The following TIMP2 variants were observed in gnomAD, a reference collection of about 807,000 sequenced individuals.
TIMP2 encodes metalloproteinase inhibitor 2.
Under a neutral mutation model 24.3 loss-of-function variants are expected in TIMP2, and 5 were observed. The ratio of observed to expected loss-of-function variants is 0.21; its 90% confidence interval spans 0.11 to 0.43. TIMP2 has a LOEUF of 0.43. Ranked by LOEUF, TIMP2 falls within the 20% of genes least tolerant of loss-of-function variation. The probability of loss-of-function intolerance (pLI) is 1.00; values close to 1 mark genes in which losing one functional copy is unlikely to be tolerated. For missense variants in TIMP2, 221 were observed against 297.5 expected (o/e 0.74, Z 1.89); for synonymous variants, 130 against 123.2 (o/e 1.06, Z -0.37).
intron 1 of TIMP2, among the ~76,000 whole-genome samples, chr17:78,918,135 C>T (rs2070279617): frequency 6.6e-6 from 1 of 151,916 alleles, no homozygotes; most frequent in Non-Finnish European, 1.5e-5. Flanking sequence ...GTGACCACCC[C>T]CAAACCCGCC....
intron 3 of TIMP2, among the ~76,000 whole-genome samples, chr17:78,859,523 CGTG>C (rs2069551746): frequency 1.3e-5 from 2 of 151,656 alleles, no homozygotes; most frequent in Admixed American, 1.3e-4. Flanking sequence ...AATAGCCAGG[CGTG>C]GTGATGCATG....
intron 1 of TIMP2, among the ~76,000 whole-genome samples, chr17:78,886,522 G>T (rs1379950687): frequency 1.3e-5 from 2 of 152,196 alleles, no homozygotes; most frequent in African/African-American, 2.4e-5. Context: ...TGGGCACAAG[G>T]CAAGTGCAGA....
intron 3 of TIMP2, 60 bp downstream of exon 3, chr17:78,870,838 C>A (rs1377591481): frequency 1.4e-6 from 2 of 1,460,496 alleles, no homozygotes; most frequent in South Asian, 1.2e-5. Context: ...CCCTGGACCG[C>A]GTCTAGGAAC....
intron 3 of TIMP2, among the ~76,000 whole-genome samples, chr17:78,864,380 CCTCCCTCCCTT>C (rs1379217541): frequency 8.8e-4 from 127 of 144,510 alleles, no homozygotes; most frequent in African/African-American, 3.2e-3. Context: ...CCTCCCCCTT[CCTCCCTCCCTT>C]CCTTCCTTCC....
In TIMP2 at chr17:78,883,610, C is replaced by T. The variant is rs554127133; in HGVS notation, c.131-9691G>A. On this transcript the variant is annotated intron_variant, in intron 1 of 4. Coordinates refer to ENST00000262768, the MANE Select transcript of TIMP2 (RefSeq NM_003255.5). ...CACCTGGGGGTGCTCCAGGCCCTGC[C>T]GCCCCAGGGAATGCTCCCTCCCCGG... 4.6e-5 allele frequency among the ~76,000 whole-genome samples: 7 copies of T among 152,308 alleles called. No individual in the cohort carries two copies. The South Asian group carries it at 1.0e-3, about 23-fold the overall frequency.
At chr17:78,902,978 C>A (rs550790490) in intron 1 of TIMP2, among the ~76,000 whole-genome samples, 1 of 152,236 alleles carries the variant, frequency 6.6e-6, no homozygotes, top group Non-Finnish European at 1.5e-5. Flanking sequence ...GCTGGCCTTG[C>A]GAACCCACGG....
At chr17:78,890,361 C>T (rs1277911251) in intron 1 of TIMP2, among the ~76,000 whole-genome samples, 1 of 152,100 alleles carries the variant, frequency 6.6e-6, no homozygotes. Context: ...GCCATCACAC[C>T]CAGCTAATTT....
intron 1 of TIMP2, among the ~76,000 whole-genome samples, chr17:78,887,186 C>T (rs2069832062): frequency 2.0e-5 from 3 of 152,178 alleles, no homozygotes; most frequent in Admixed American, 1.3e-4. Context: ...GCTTCGCATT[C>T]GCCAGGGAAG....
chr17:78,893,412 CATAGGGGTGTGTGTGCAGGGGTGTGT>C (rs2069945962), intron 1 of TIMP2, among the ~76,000 whole-genome samples: 1 of 65,766 alleles, frequency 1.5e-5, no homozygotes, highest in African/African-American at 7.7e-5. Flanking sequence ...GGTGTGTGTG[CATAGGGGTGTGTGTGCAGGGGTGTGT>C]GCGTGGGGCT....
In TIMP2 at chr17:78,855,463, T is replaced by C. The variant is rs1463856016; in HGVS notation, c.*204A>G. 1.5e-5 allele frequency: 9 copies of C among 616,134 alleles called. No homozygotes were observed. Among genetic ancestry groups the C allele is most frequent in the Non-Finnish European group, 2.2e-5 (8 of 356,992 alleles). 38.2% of individuals were successfully genotyped at this position (616,134 alleles called of 1,614,324 possible). A position where few individuals can be genotyped will look rare whatever the true frequency, so the allele number is the denominator to read the frequency against. On this transcript the variant is annotated 3_prime_UTR_variant, in exon 5 of 5. Coordinates refer to ENST00000262768, the MANE Select transcript of TIMP2 (RefSeq NM_003255.5). The surrounding 1 kb of genome is among the most constrained non-coding windows in gnomAD (Gnocchi z 6.0). ...CACATAGTGCCTGGCAGAGGGAGGA[T>C]GGGATGAGGACCTTGGACCCACGTC...
Position 78,870,962 on chromosome 17 carries a change from G to A in TIMP2, c.276C>T (p.Ala92=). Reference sequence around the variant, plus strand: ...AGACCCCACACACTGCCGAGGAGGGGGCCGTGTAGATAAACTCTATATCCT... The same window carrying A: ...AGACCCCACACACTGCCGAGGAGGGAGCCGTGTAGATAAACTCTATATCCT... ...PEKDIEFIYT[A]PSSAVCGVSL... Residue 92 remains alanine (A), a synonymous_variant, in exon 3 of 5, where the codon GCC becomes GCT. Coordinates refer to ENST00000262768, the MANE Select transcript of TIMP2 (RefSeq NM_003255.5). 2 of 1,613,844 alleles carry A rather than the reference G, an allele frequency of 1.2e-6. No individual in the cohort carries two copies. The highest frequency in any genetic ancestry group is 1.7e-5 in the Admixed American group (1 of 60,006).
intron 1 of TIMP2, among the ~76,000 whole-genome samples, chr17:78,921,061 C>T (rs773635018): frequency 1.3e-5 from 2 of 152,220 alleles, no homozygotes; most frequent in African/African-American, 4.8e-5. Context: ...AGCGCCACGC[C>T]GCCCCCTCGC....
At chr17:78,871,090 G>A (rs1373366038) in intron 2 of TIMP2, 84 bp from the exon 3 acceptor site, 66 of 1,146,986 alleles carry the variant, frequency 5.8e-5, no homozygotes, top group Admixed American at 1.7e-4. Context: ...CACCCTGGGC[G>A]GCACAACCTG....
At chr17:78,885,257 C>T (rs1021588374) in intron 1 of TIMP2, among the ~76,000 whole-genome samples, 8 of 152,306 alleles carry the variant, frequency 5.3e-5, no homozygotes, top group Admixed American at 6.5e-5. Context: ...GAGTGAGGCG[C>T]GAACACGGAA....
In TIMP2 at chr17:78,920,812, C is replaced by T. The variant is rs1207500702; in HGVS notation, c.130+4147G>A. Among the ~76,000 whole-genome samples, 1 of 152,168 alleles carries T rather than the reference C, an allele frequency of 6.6e-6. No homozygotes were observed. The highest frequency in any genetic ancestry group is 2.4e-5 in the African/African-American group (1 of 41,424). Reference sequence around the variant, plus strand: ...TTGAGGAGGGGAGGCCTGCTCACCACGCCGGGCAGCAGGAACCCCCTTCCA... The same window carrying T: ...TTGAGGAGGGGAGGCCTGCTCACCATGCCGGGCAGCAGGAACCCCCTTCCA... On this transcript the variant is annotated intron_variant, in intron 1 of 4. Coordinates refer to ENST00000262768, the MANE Select transcript of TIMP2 (RefSeq NM_003255.5). The surrounding 1 kb of genome is among the most constrained non-coding windows in gnomAD (Gnocchi z 4.5).
chr17:78,914,060 A>C (rs1392108048), intron 1 of TIMP2, among the ~76,000 whole-genome samples: 1 of 152,126 alleles, frequency 6.6e-6, no homozygotes, highest in African/African-American at 2.4e-5. Context: ...AGTTTTCTTT[A>C]TGATGGAGAG....
chr17:78,866,686 C>CAT, intron 3 of TIMP2, among the ~76,000 whole-genome samples: 1 of 152,230 alleles, frequency 6.6e-6, no homozygotes, highest in Admixed American at 6.5e-5. Flanking sequence ...GTGGTCTATC[C>CAT]ATACAGTGGA....
At chr17:78,895,631 G>A (rs1213917422) in intron 1 of TIMP2, among the ~76,000 whole-genome samples, 1 of 152,192 alleles carries the variant, frequency 6.6e-6, no homozygotes, top group African/African-American at 2.4e-5. Context: ...CCACTCCTAG[G>A]TCTATAACCA....
intron 3 of TIMP2, 90 bp downstream of exon 3, chr17:78,870,808 C>T (rs1039567471): frequency 8.9e-7 from 1 of 1,128,734 alleles, no homozygotes; most frequent in East Asian, 2.5e-5. Flanking sequence ...CCTCCCCACC[C>T]CCCGAGCCTG....
Sources: gnomAD v4.1 joint callset for allele counts (sites outside exome capture counted in the v4.1 genomes callset) on GRCh38, gnomAD v4.1.1 for gene constraint, Gnocchi (gnomAD v3.1) non-coding constraint, MANE v1.5 for transcripts, NCBI Gene and HGNC (gene_info 2026-07-23, HGNC 2026-07-21) for gene names.